The following ZNF468 variants were observed in gnomAD, a reference collection of about 807,000 sequenced individuals.
ZNF468 encodes zinc finger protein ZNF468.
ZNF468 carries 8 observed loss-of-function variants against 7.2 expected under a neutral mutation model. The observed-to-expected ratio is 1.11, with a 90% CI of 0.65 to 2.01. The LOEUF (loss-of-function observed/expected upper bound fraction) is 2.01, where lower values mean the gene tolerates loss of function less well. Among genes scored for constraint, ZNF468 ranks in the 30% most tolerant of loss-of-function variants. The pLI is 0.00. For missense variants in ZNF468, 608 were observed against 626.5 expected (o/e 0.97, Z 0.31); for synonymous variants, 218 against 214.4 (o/e 1.02, Z -0.15).
intron 2 of ZNF468, among the ~76,000 whole-genome samples, chr19:52,851,698 G>A (rs139253758): frequency 0.084 from 12,776 of 151,864 alleles, 889 homozygotes; most frequent in Admixed American, 0.21. Context: ...CTAAGATCAC[G>A]CCACTGCACT....
At chr19:52,846,254 C>T (rs984040693) in intron 3 of ZNF468, among the ~76,000 whole-genome samples, 11 of 151,994 alleles carry the variant, frequency 7.2e-5, no homozygotes, top group South Asian at 4.1e-4. Context: ...GGCTGGAGTG[C>T]GATGGTGTGT....
rs779266393 is a variant in ZNF468 at position 52,841,274 on chromosome 19, T to C, written c.1020A>G (p.Ser340=). Residue 340 remains serine (S), a synonymous_variant, in exon 4 of 4, where the codon TCA becomes TCG. Coordinates refer to ENST00000595646, the MANE Select transcript of ZNF468 (RefSeq NM_001008801.2). ...KVCDEAFAYN[S]YLAKHTILHT... Reference sequence around the variant, plus strand: ...GAAGTATAGTATGTTTTGCCAGATATGAATTATATGCGAAAGCCTCATCAC... The same window carrying C: ...GAAGTATAGTATGTTTTGCCAGATACGAATTATATGCGAAAGCCTCATCAC... The C allele has an allele frequency of 6.2e-7, 1 of 1,613,890 alleles. No individual in the cohort carries two copies. The highest frequency in any genetic ancestry group is 1.7e-5 in the Admixed American group (1 of 59,978).
chr19:52,848,532 C>G (rs1034391227), intron 3 of ZNF468, among the ~76,000 whole-genome samples: 1 of 152,090 alleles, frequency 6.6e-6, no homozygotes, highest in Non-Finnish European at 1.5e-5. Context: ...AACTGGATAT[C>G]TTTAAAGTCT....
At chr19:52,857,418 G>A (rs1600542818) in intron 1 of ZNF468, among the ~76,000 whole-genome samples, 154 bp downstream of exon 1, 1 of 152,350 alleles carries the variant, frequency 6.6e-6, no homozygotes, top group East Asian at 1.9e-4. Context: ...CTAAAAAGAA[G>A]GGGCTTCCGG....
rs2063297747 is a variant in ZNF468 at position 52,841,367 on chromosome 19, A to C, written c.927T>G (p.Ser309Arg). 6.2e-7 allele frequency: 1 copy of C among 1,613,874 alleles called. No individual in the cohort carries two copies. Among genetic ancestry groups the C allele is most frequent in the African/African-American group, 1.3e-5 (1 of 74,894 alleles). ...TATGTCTTTCAAGGTGTGATTTGCGACTGAAAACTTTGTCACATTCTTCAC... is the reference window on the plus strand; with the variant it reads ...TATGTCTTTCAAGGTGTGATTTGCGCCTGAAAACTTTGTCACATTCTTCAC... ...YECEECDKVFSRKSHLERHKR... is the reference protein window; with the variant it reads ...YECEECDKVFRRKSHLERHKR... Residue 309 changes from serine (S) to arginine (R), a missense_variant, in exon 4 of 4, where the codon AGT (serine) becomes AGG (arginine). By Grantham distance (110) the Ser-to-Arg change is moderately radical (BLOSUM62 -1). Transcript: ENST00000595646.
Position 52,840,586 on chromosome 19 carries a change from T to C in ZNF468, c.*139A>G. 2 of 1,419,478 alleles carry C rather than the reference T, an allele frequency of 1.4e-6. No individual in the cohort carries two copies. The highest frequency in any genetic ancestry group is 9.9e-7 in the Non-Finnish European group (1 of 1,005,254). 87.9% of individuals were successfully genotyped at this position (1,419,478 alleles called of 1,614,324 possible). On this transcript the variant is annotated 3_prime_UTR_variant, in exon 4 of 4. Coordinates refer to ENST00000595646, the MANE Select transcript of ZNF468 (RefSeq NM_001008801.2). ...AGGTTTCTCTCCAGTATGAAGTCTA[T>C]GGTGATGTGCAAAGGTTGCTTTTTG...
chr19:52,840,512 A>T lies in ZNF468; in HGVS notation c.*213T>A. ...CAATGTGAATTTTCTTATGTGTTTT[A>T]AGGTTTGATTTACAACTGAAAACTT... On this transcript the variant is annotated 3_prime_UTR_variant, in exon 4 of 4. Transcript: ENST00000595646. 3 of 1,005,270 alleles carry T rather than the reference A, an allele frequency of 3.0e-6. No individual in the cohort carries two copies. Among genetic ancestry groups the T allele is most frequent in the Non-Finnish European group, 4.5e-6 (3 of 660,322 alleles). The allele number at this position is 1,005,270 out of a possible 1,614,324, so 62.3% of individuals were successfully genotyped here.
rs756360967 is a variant in ZNF468, at chr19:52,841,553, T to A, written c.741A>T (p.Val247=). 6.2e-7 allele frequency: 1 copy of A among 1,614,132 alleles called. No individual in the cohort carries two copies. The highest frequency in any genetic ancestry group is 1.1e-5 in the South Asian group (1 of 91,060). ...HLEEKQCKCD[V]CGKVFNQKRY... ...GCTTCTGATTAAAGACCTTGCCACA[T>A]ACATCACATTTACATTGTTTCTCTT... is the stretch of plus-strand genomic sequence containing the variant. Residue 247 remains valine, a synonymous_variant, in exon 4 of 4, where the codon GTA becomes GTT. Transcript: ENST00000595646.
chr19:52,848,842 C>G (rs543097363), intron 3 of ZNF468, among the ~76,000 whole-genome samples: 3 of 152,206 alleles, frequency 2.0e-5, no homozygotes. Flanking sequence ...TGAGCCACCA[C>G]GACCAGGCTG....
chr19:52,848,912 C>T (rs112769932), intron 3 of ZNF468, among the ~76,000 whole-genome samples, 175 bp downstream of exon 3: 13,027 of 151,994 alleles, frequency 0.086, 604 homozygotes, highest in East Asian at 0.15. Flanking sequence ...ATGAAGAATG[C>T]AGAACATCTA....
At chr19:52,850,877 C>A (rs754066022) in intron 2 of ZNF468, among the ~76,000 whole-genome samples, 2 of 150,814 alleles carry the variant, frequency 1.3e-5, no homozygotes, top group Admixed American at 6.6e-5. Flanking sequence ...CCAGCCTGGG[C>A]GACAGAGCGA....
rs372441502 is a variant in ZNF468 at position 52,840,594 on chromosome 19, T to G, written c.*131A>C. Reference sequence around the variant, plus strand: ...CTCCAGTATGAAGTCTATGGTGATGTGCAAAGGTTGCTTTTTGATTAAAAA... The same window carrying G: ...CTCCAGTATGAAGTCTATGGTGATGGGCAAAGGTTGCTTTTTGATTAAAAA... On this transcript the variant is annotated 3_prime_UTR_variant, in exon 4 of 4. Transcript: ENST00000595646. The G allele has an allele frequency of 2.4e-5, 36 of 1,470,004 alleles. No individual in the cohort carries two copies. The Admixed American group carries it at 6.1e-4, about 25-fold the overall frequency. The allele number at this position is 1,470,004 out of a possible 1,614,324, so 91.1% of individuals were successfully genotyped here. A position where few individuals can be genotyped will look rare whatever the true frequency, so the allele number is the denominator to read the frequency against.
At chr19:52,842,242 T>C in intron 3 of ZNF468, 91 bp from the exon 4 acceptor site, 1 of 1,202,316 alleles carries the variant, frequency 8.3e-7, no homozygotes, top group Non-Finnish European at 1.1e-6. Context: ...AAAACAATAC[T>C]TATTTTCAAC....
At chr19:52,853,818 A>C in intron 2 of ZNF468, 1 of 1,179,022 alleles carries the variant, frequency 8.5e-7, no homozygotes, top group Non-Finnish European at 1.0e-6. Context: ...AAAATGTGGT[A>C]TAAAATCAGG....
intron 1 of ZNF468, among the ~76,000 whole-genome samples, chr19:52,855,872 G>C (rs570566538): frequency 6.6e-6 from 1 of 152,244 alleles, no homozygotes; most frequent in Non-Finnish European, 1.5e-5. Flanking sequence ...GATGCAGGGA[G>C]GTTCACTGGG....
chr19:52,849,263 C>G, intron 2 of ZNF468, 50 bp from the exon 3 acceptor site: 3 of 1,610,764 alleles, frequency 1.9e-6, no homozygotes, highest in Non-Finnish European at 2.5e-6. Flanking sequence ...GAGATCTTAT[C>G]TTTACAAAAA....
intron 3 of ZNF468, among the ~76,000 whole-genome samples, chr19:52,847,204 CAT>C (rs1024205411): frequency 2.0e-5 from 3 of 152,072 alleles, no homozygotes; most frequent in African/African-American, 4.8e-5. Flanking sequence ...CTCACAGAAA[CAT>C]GTGCTGTATT....
At position 52,850,743 on chromosome 19, in the gene ZNF468, C is replaced by A. The variant is rs1001373339; in HGVS notation, c.16-1530G>T. On this transcript the variant is annotated intron_variant, in intron 2 of 3. Coordinates refer to ENST00000595646, the MANE Select transcript of ZNF468 (RefSeq NM_001008801.2). ...TGAAACCCCATCTCTACTAAAAATA[C>A]AAAAAATTAGCCGGGCGTGGTGGCG... 5.7e-3 allele frequency among the ~76,000 whole-genome samples: 861 copies of A among 150,122 alleles called. 5 individuals are homozygous for A. Among genetic ancestry groups the A allele is most frequent in the African/African-American group, 0.02 (825 of 40,904 alleles).
At chr19:52,847,267 A>G (rs988969907) in intron 3 of ZNF468, among the ~76,000 whole-genome samples, 3 of 151,996 alleles carry the variant, frequency 2.0e-5, no homozygotes, top group African/African-American at 7.3e-5. Context: ...CTTGTTAACA[A>G]TATGTTTGCA....
Sources: gnomAD v4.1 joint callset for allele counts (sites outside exome capture counted in the v4.1 genomes callset) on GRCh38, gnomAD v4.1.1 for gene constraint, MANE v1.5 for transcripts, NCBI Gene and HGNC (gene_info 2026-07-23, HGNC 2026-07-21) for gene names.